Variants in MUSK observed in about 807,000 individuals in gnomAD.
MUSK encodes the protein muscle, skeletal receptor tyrosine-protein kinase.
Under a neutral mutation model 88.7 loss-of-function variants are expected in MUSK, and 55 were observed. The ratio of observed to expected loss-of-function variants is 0.62; its 90% CI spans 0.50 to 0.78. The LOEUF is 0.78. Among genes scored for constraint, MUSK ranks in the 30% least tolerant of loss-of-function variants. The pLI, the probability that MUSK is intolerant of heterozygous loss-of-function variation, is 0.00. For synonymous variants in MUSK, 387 were observed against 391.9 expected (o/e 0.99, Z 0.15); for missense variants, 1,015 against 1,074.3 (o/e 0.94, Z 0.77).
At chr9:110,746,340 A>G (rs1020131563) in intron 6 of MUSK, among the ~76,000 whole-genome samples, 4 of 152,194 alleles carry the variant, frequency 2.6e-5, no homozygotes, top group African/African-American at 7.2e-5. Flanking sequence ...TAACAATGAC[A>G]TTTGTCAGAT....
chr9:110,790,123 T>G (rs1187529588), intron 14 of MUSK, among the ~76,000 whole-genome samples: 1 of 152,134 alleles, frequency 6.6e-6, no homozygotes, highest in Non-Finnish European at 1.5e-5. Flanking sequence ...GTCCTGGATG[T>G]CAAATGAAGT....
At chr9:110,799,680 AAAG>A (rs780021100) in intron 14 of MUSK, among the ~76,000 whole-genome samples, 5 of 152,200 alleles carry the variant, frequency 3.3e-5, no homozygotes, top group Non-Finnish European at 7.3e-5. Flanking sequence ...GGGAATTTTT[AAAG>A]AAGAATAAGG....
chr9:110,768,256 G>A lies in MUSK; in HGVS notation c.1184+173G>A, dbSNP rs112089843. ...CTCATGCCTGTAATCCCAGCACTTCGGGAGGCCGAAGTGGGTGGATCACTT... is the reference window on the plus strand; with the variant it reads ...CTCATGCCTGTAATCCCAGCACTTCAGGAGGCCGAAGTGGGTGGATCACTT... On this transcript the variant is annotated intron_variant, in intron 9 of 14. Coordinates refer to ENST00000374448, the MANE Select transcript of MUSK (RefSeq NM_005592.4). Among the ~76,000 whole-genome samples the A allele has an allele frequency of 8.5e-5, 13 of 152,330 alleles. No homozygotes were observed. In the South Asian group the frequency reaches 1.9e-3, roughly 22 times the overall value.
chr9:110,699,693 G>A lies in MUSK; in HGVS notation c.628+2227G>A, dbSNP rs182646692. Among the ~76,000 whole-genome samples the A allele has an allele frequency of 1.4e-4, 21 of 152,298 alleles. No homozygotes were observed. In the East Asian group the frequency reaches 3.7e-3, roughly 27 times the overall value. On this transcript the variant is annotated intron_variant, in intron 5 of 14. Transcript: ENST00000374448. ...CAAAAGTACATGCAGATGCCTGCTA[G>A]TTTGGCAATGATGAGGACTGAAGAT...
intron 2 of MUSK, among the ~76,000 whole-genome samples, chr9:110,684,467 C>T (rs1454133047): frequency 1.3e-5 from 2 of 150,776 alleles, no homozygotes; most frequent in Admixed American, 6.6e-5. Context: ...CTGGGCCTTT[C>T]GTGGTTTCAC....
At chr9:110,690,417 A>T (rs371383222) in intron 3 of MUSK, among the ~76,000 whole-genome samples, 1 of 45,138 alleles carries the variant, frequency 2.2e-5, no homozygotes, top group Non-Finnish European at 4.0e-5. Context: ...TATATATTTA[A>T]ATATAAATAT....
At chr9:110,701,714 AT>A (rs1306993915) in intron 5 of MUSK, among the ~76,000 whole-genome samples, 43 of 122 alleles carry the variant, frequency 0.35, 1 homozygote, top group Non-Finnish European at 0.41. Context: ...ATTTTATTTT[AT>A]TTTATTTTAT....
chr9:110,718,749 T>C (rs2076775645), intron 5 of MUSK, among the ~76,000 whole-genome samples: 1 of 152,054 alleles, frequency 6.6e-6, no homozygotes, highest in South Asian at 2.1e-4. Flanking sequence ...GGGAAATTCA[T>C]TGCAAAAAAA....
intron 5 of MUSK, 74 bp from the exon 6 acceptor site, chr9:110,734,176 TG>T (rs2131839684): frequency 6.7e-7 from 1 of 1,489,182 alleles, no homozygotes; most frequent in African/African-American, 1.4e-5. Flanking sequence ...TGGTCTAATT[TG>T]CATTTCTAAA....
At position 110,762,213 on chromosome 9, in the gene MUSK, G is replaced by T; in HGVS notation, c.920+5G>T. On this transcript the variant is annotated splice_donor_5th_base_variant and intron_variant, in intron 8 of 14. Coordinates refer to ENST00000374448, the MANE Select transcript of MUSK (RefSeq NM_005592.4). ...TTTCCTGTTAATAGAATGGAGGTAA[G>T]AAACTGTTATTGTAACAATTGTTTC... 7.0e-7 allele frequency: 1 copy of T among 1,434,964 alleles called. No individual in the cohort carries two copies. The highest frequency in any genetic ancestry group is 9.2e-7 in the Non-Finnish European group (1 of 1,091,146). 88.9% of individuals were successfully genotyped at this position (1,434,964 alleles called of 1,614,324 possible).
chr9:110,714,677 A>G (rs2076722903), intron 5 of MUSK, among the ~76,000 whole-genome samples: 1 of 152,172 alleles, frequency 6.6e-6, no homozygotes, highest in Non-Finnish European at 1.5e-5. Context: ...TCTTTTAATG[A>G]TAAGGGTTTG....
chr9:110,707,003 C>CA (rs935863349), intron 5 of MUSK, among the ~76,000 whole-genome samples: 5 of 149,186 alleles, frequency 3.4e-5, no homozygotes, highest in African/African-American at 1.2e-4. Context: ...GACCCTGTCT[C>CA]AAAAAAATAG....
rs975298084 is a variant in MUSK at position 110,805,074 on chromosome 9, A to G, written c.*4086A>G. On this transcript the variant is annotated 3_prime_UTR_variant, in exon 15 of 15. Coordinates refer to ENST00000374448, the MANE Select transcript of MUSK (RefSeq NM_005592.4). ...ATTATACAGATTTATCGTAATTGACATAACTATTCTACTGTTAGACATTTG... is the reference window on the plus strand; with the variant it reads ...ATTATACAGATTTATCGTAATTGACGTAACTATTCTACTGTTAGACATTTG... Among the ~76,000 whole-genome samples the G allele has an allele frequency of 3.3e-5, 5 of 151,960 alleles. No individual in the cohort carries two copies. Among genetic ancestry groups the G allele is most frequent in the Non-Finnish European group, 5.9e-5 (4 of 67,844 alleles).
At position 110,746,276 on chromosome 9, in the gene MUSK, T is replaced by G. The variant is rs148459385; in HGVS notation, c.754-1365T>G. Among the ~76,000 whole-genome samples the G allele has an allele frequency of 1.2e-3, 190 of 152,330 alleles. No individual in the cohort carries two copies. In the East Asian group the frequency reaches 0.016, roughly 13 times the overall value. On this transcript the variant is annotated intron_variant, in intron 6 of 14. Coordinates refer to ENST00000374448, the MANE Select transcript of MUSK (RefSeq NM_005592.4). The stretch of plus-strand genomic sequence containing the variant: ...ATTAGTTATTGAAAAGGTGGTATTG[T>G]GCTCAAGAAAACAGTGAAAAAAGAA...
chr9:110,738,358 G>A (rs1466126462), intron 6 of MUSK, among the ~76,000 whole-genome samples: 15 of 152,100 alleles, frequency 9.9e-5, no homozygotes, highest in Non-Finnish European at 4.4e-5. Flanking sequence ...GACTTGCATA[G>A]AGCACTATCT....
Position 110,775,787 on chromosome 9 carries a change from G to C in MUSK, c.1185-1G>C. 1 of 1,613,468 alleles carries C rather than the reference G, an allele frequency of 6.2e-7. No homozygotes were observed. The highest frequency in any genetic ancestry group is 8.5e-7 in the Non-Finnish European group (1 of 1,179,486). On this transcript the variant is annotated splice_acceptor_variant, in intron 9 of 14. Coordinates refer to ENST00000374448, the MANE Select transcript of MUSK (RefSeq NM_005592.4). LOFTEE classifies it high-confidence loss of function. ...GTTTTGTTCTCCATATACTATTTTAGAGAGTACTGCTTGGCAGTAAAGGAG... is the reference window on the plus strand; with the variant it reads ...GTTTTGTTCTCCATATACTATTTTACAGAGTACTGCTTGGCAGTAAAGGAG...
chr9:110,799,723 G>C (rs1484195248), intron 14 of MUSK, among the ~76,000 whole-genome samples: 5 of 152,142 alleles, frequency 3.3e-5, no homozygotes, highest in African/African-American at 1.2e-4. Context: ...GTGCTAAAAC[G>C]TTGGGGAGAA....
chr9:110,747,308 G>T (rs2077185507), intron 6 of MUSK, among the ~76,000 whole-genome samples: 1 of 152,174 alleles, frequency 6.6e-6, no homozygotes, highest in Admixed American at 6.5e-5. Context: ...CTTCTACCAT[G>T]CTGGCTCTTG....
chr9:110,721,710 C>T (rs1290138954), intron 5 of MUSK, among the ~76,000 whole-genome samples: 2 of 151,992 alleles, frequency 1.3e-5, no homozygotes, highest in African/African-American at 4.8e-5. Context: ...GGAAATACCA[C>T]GATTACTCTT....
Sources: gnomAD v4.1 joint callset for allele counts (sites outside exome capture counted in the v4.1 genomes callset) on GRCh38, gnomAD v4.1.1 for gene constraint, MANE v1.5 for transcripts, NCBI Gene and HGNC (gene_info 2026-07-23, HGNC 2026-07-21) for gene names.